Variants in AP1AR observed in about 807,000 individuals in gnomAD.
AP1AR encodes AP-1 complex-associated regulatory protein.
Under a neutral mutation model 46.3 loss-of-function variants are expected in AP1AR, and 29 were observed. That is an observed-to-expected ratio of 0.63 (90% confidence interval 0.47 to 0.85). AP1AR has a LOEUF of 0.85. Ranked by LOEUF, AP1AR falls within the 40% of genes least tolerant of loss-of-function variation. AP1AR has a pLI of 0.00. For missense variants in AP1AR, 357 were observed against 356.3 expected, an observed-to-expected ratio of 1.00 and a Z score of -0.02; for synonymous variants, 122 against 122.9, an observed-to-expected ratio of 0.99 and a Z score of 0.05.
chr4:112,232,859 A>G (rs1395725956), intron 1 of AP1AR, among the ~76,000 whole-genome samples: 4 of 152,214 alleles, frequency 2.6e-5, no homozygotes. Context: ...GGTAAATTGC[A>G]GTCCTTCTGA....
intron 3 of AP1AR, among the ~76,000 whole-genome samples, chr4:112,257,409 A>C (rs1283689034): frequency 6.6e-6 from 1 of 152,188 alleles, no homozygotes; most frequent in African/African-American, 2.4e-5. Flanking sequence ...CTGCAAAAAA[A>C]TGAGGATCAA....
Position 112,260,850 on chromosome 4 carries a change from A to G in AP1AR, c.270A>G (p.Lys90=). ...AAAAACAAAAAGATCTTGATAAGAA[A>G]ATTCAAAAAGAGGTAAATTGTCTTT... ...IAEKQKDLDK[K]IQKELALQEE... is the part of the protein sequence containing the mutation. The change falls in exon 5 of 10, where the codon AAA becomes AAG. Residue 90 remains lysine (K), a synonymous_variant. Coordinates refer to ENST00000274000, the MANE Select transcript of AP1AR (RefSeq NM_018569.6). 6.3e-7 allele frequency: 1 copy of G among 1,589,432 alleles called. No homozygotes were observed. The highest frequency in any genetic ancestry group is 8.6e-7 in the Non-Finnish European group (1 of 1,164,868).
Position 112,268,738 on chromosome 4 carries a change from T to C in AP1AR, c.*329T>C, listed in dbSNP as rs1335543477. The C allele has an allele frequency of 5.5e-6, 1 of 182,102 alleles. No individual in the cohort carries two copies. The highest frequency in any genetic ancestry group is 1.4e-4 in the East Asian group (1 of 7,256). 11.3% of individuals were successfully genotyped at this position (182,102 alleles called of 1,614,324 possible). A position where few individuals can be genotyped will look rare whatever the true frequency, so the allele number is the denominator to read the frequency against. ...TTTTTAAAATTAATTTTACTTTGAA[T>C]GATTTATGAAGCCTATTTCATTGTC... On this transcript the variant is annotated 3_prime_UTR_variant, in exon 10 of 10. Coordinates refer to ENST00000274000, the MANE Select transcript of AP1AR (RefSeq NM_018569.6).
chr4:112,264,176 A>T (rs1188206811), intron 6 of AP1AR, among the ~76,000 whole-genome samples: 5 of 152,132 alleles, frequency 3.3e-5, no homozygotes, highest in African/African-American at 1.2e-4. Context: ...TTTAACTTTT[A>T]CCTTCTACTA....
At chr4:112,257,914 G>C in intron 4 of AP1AR, 117 bp downstream of exon 4, 2 of 839,620 alleles carry the variant, frequency 2.4e-6, no homozygotes, top group Non-Finnish European at 1.7e-6. Context: ...TTACATTTCA[G>C]AACTTTCAGA....
At chr4:112,263,144 C>T (rs1726527085) in intron 6 of AP1AR, 58 bp downstream of exon 6, 1 of 1,363,400 alleles carries the variant, frequency 7.3e-7, no homozygotes, top group East Asian at 2.3e-5. Context: ...TTTTCTCTGA[C>T]AAATCTTAGT....
chr4:112,232,041 G>T lies in AP1AR; in HGVS notation c.-51G>T. Reference sequence around the variant, plus strand: ...GGATGCAGCTGCCGGGCCTGGGTTTGGGCATTGAGCGGGAGGAGGAGGAGG... The same window carrying T: ...GGATGCAGCTGCCGGGCCTGGGTTTTGGCATTGAGCGGGAGGAGGAGGAGG... On this transcript the variant is annotated 5_prime_UTR_variant, in exon 1 of 10. Coordinates refer to ENST00000274000, the MANE Select transcript of AP1AR (RefSeq NM_018569.6). The T allele has an allele frequency of 7.5e-7, 1 of 1,338,904 alleles. No individual in the cohort carries two copies. The highest frequency in any genetic ancestry group is 9.7e-7 in the Non-Finnish European group (1 of 1,035,798). 82.9% of individuals were successfully genotyped at this position (1,338,904 alleles called of 1,614,324 possible). A position where few individuals can be genotyped will look rare whatever the true frequency, so the allele number is the denominator to read the frequency against.
chr4:112,250,306 A>G (rs1460730732), intron 1 of AP1AR, among the ~76,000 whole-genome samples: 2 of 152,256 alleles, frequency 1.3e-5, no homozygotes, highest in Non-Finnish European at 2.9e-5. Context: ...ATCCAATAAT[A>G]TGGAAAGATT....
At chr4:112,254,163 A>G (rs1345820241) in intron 2 of AP1AR, among the ~76,000 whole-genome samples, 1 of 152,172 alleles carries the variant, frequency 6.6e-6, no homozygotes, top group East Asian at 1.9e-4. Context: ...TATAATAGTA[A>G]TGACTTTTAT....
At chr4:112,251,531 A>G (rs1725962523) in intron 1 of AP1AR, among the ~76,000 whole-genome samples, 2 of 152,144 alleles carry the variant, frequency 1.3e-5, no homozygotes, top group South Asian at 4.1e-4. Flanking sequence ...CTTTATTTCT[A>G]ATTATTCAGC....
At chr4:112,252,217 T>A (rs983844875) in intron 1 of AP1AR, among the ~76,000 whole-genome samples, 3 of 152,200 alleles carry the variant, frequency 2.0e-5, no homozygotes, top group African/African-American at 7.2e-5. Context: ...CCAGCTTGGG[T>A]GACAGAGTAA....
Position 112,254,778 on chromosome 4 carries a change from G to T in AP1AR, c.159+5G>T. On this transcript the variant is annotated splice_donor_5th_base_variant and intron_variant, in intron 3 of 9. Transcript: ENST00000274000. ...AATCTAGTAGAAAGTGATGAAGTAA[G>T]TATTTCCATAATAGTACAAAACTTG... 6.8e-7 allele frequency: 1 copy of T among 1,475,348 alleles called. No individual in the cohort carries two copies. Among genetic ancestry groups the T allele is most frequent in the Admixed American group, 2.1e-5 (1 of 47,140 alleles). 91.4% of individuals were successfully genotyped at this position (1,475,348 alleles called of 1,614,324 possible).
chr4:112,263,175 T>G, intron 6 of AP1AR, 89 bp downstream of exon 6: 2 of 965,542 alleles, frequency 2.1e-6, no homozygotes. Context: ...TTTTTCCTAT[T>G]CTCAAGGACT....
At chr4:112,260,316 G>A (rs1726387411) in intron 4 of AP1AR, among the ~76,000 whole-genome samples, 1 of 152,182 alleles carries the variant, frequency 6.6e-6, no homozygotes, top group Non-Finnish European at 1.5e-5. Flanking sequence ...GAAGGGCCTG[G>A]GGAAGCCAGA....
At position 112,272,153 on chromosome 4, in the gene AP1AR, G is replaced by A. The variant is rs1726979171; in HGVS notation, c.*3744G>A. Among the ~76,000 whole-genome samples the A allele has an allele frequency of 6.6e-6, 1 of 152,222 alleles. No homozygotes were observed. The highest frequency in any genetic ancestry group is 2.1e-4 in the South Asian group (1 of 4,836). ...ATGCAGACAATTTGAAAAGAGAGCA[G>A]AGAAATGGGGTAGCTGGAAGGGGAT... On this transcript the variant is annotated 3_prime_UTR_variant, in exon 10 of 10. Coordinates refer to ENST00000274000, the MANE Select transcript of AP1AR (RefSeq NM_018569.6).
At chr4:112,232,300 T>A in intron 1 of AP1AR, 126 bp downstream of exon 1, 1 of 799,256 alleles carries the variant, frequency 1.3e-6, no homozygotes, top group Non-Finnish European at 1.7e-6. Flanking sequence ...ACTCACTGCT[T>A]AGCAGACGTC....
chr4:112,238,205 C>G (rs1204185329), intron 1 of AP1AR, among the ~76,000 whole-genome samples: 1 of 152,240 alleles, frequency 6.6e-6, no homozygotes, highest in African/African-American at 2.4e-5. Context: ...TTATCACTCT[C>G]TCCATTCTCA....
rs754240971 is a variant in AP1AR at position 112,254,220 on chromosome 4, T to C, written c.133-527T>C. On this transcript the variant is annotated intron_variant, in intron 2 of 9. Transcript: ENST00000274000. ...TTAAGCACATTATGATCAAACTGTT[T>C]ACATTCCTATCTCTAGAAAGACATT... 1.2e-3 allele frequency among the ~76,000 whole-genome samples: 182 copies of C among 152,348 alleles called. 1 individual carries two copies. Among genetic ancestry groups the C allele is most frequent in the African/African-American group, 3.4e-3 (141 of 41,592 alleles).
chr4:112,257,188 T>G (rs1238334902), intron 3 of AP1AR, among the ~76,000 whole-genome samples: 7 of 152,138 alleles, frequency 4.6e-5, no homozygotes, highest in East Asian at 1.9e-4. Context: ...TTAAATAGAC[T>G]GTAAAAAGGA....
Sources: gnomAD v4.1 joint callset for allele counts (sites outside exome capture counted in the v4.1 genomes callset) on GRCh38, gnomAD v4.1.1 for gene constraint, MANE v1.5 for transcripts, NCBI Gene and HGNC (gene_info 2026-07-23, HGNC 2026-07-21) for gene names.